Variants in ARID1B observed in about 807,000 individuals in gnomAD.
The protein encoded by ARID1B is AT-rich interactive domain-containing protein 1B.
Under a neutral mutation model 212.3 loss-of-function variants are expected in ARID1B, and 30 were observed. That is an observed-to-expected ratio of 0.14 (90% confidence interval 0.11 to 0.19). The LOEUF (loss-of-function observed/expected upper bound fraction) is 0.19, where lower values mean the gene tolerates loss of function less well. Among genes scored for constraint, ARID1B ranks in the 10% least tolerant of loss-of-function variants. ARID1B has a pLI of 1.00. For missense variants in ARID1B, 2,891 were observed against 3,204.0 expected (o/e 0.90, Z 2.36); for synonymous variants, 1,402 against 1,301.7 (o/e 1.08, Z -1.66).
intron 4 of ARID1B, among the ~76,000 whole-genome samples, chr6:157,004,498 C>G (rs1040455797): frequency 2.6e-5 from 4 of 152,082 alleles, no homozygotes; most frequent in Admixed American, 6.5e-5. Context: ...GAAAAAGGCT[C>G]GAAGAACACT....
chr6:156,897,619 C>CT (rs1369363877), intron 2 of ARID1B, among the ~76,000 whole-genome samples: 3 of 150,410 alleles, frequency 2.0e-5, no homozygotes, highest in Admixed American at 6.6e-5. Context: ...TGATCTGAGG[C>CT]ATTTTTTTTT....
intron 1 of ARID1B, among the ~76,000 whole-genome samples, chr6:156,806,173 G>T (rs148337545): frequency 6.7e-4 from 102 of 152,322 alleles, no homozygotes; most frequent in African/African-American, 2.4e-3. Flanking sequence ...TAAGTGAATT[G>T]CTGGAAGGGT....
chr6:157,180,403 G>A (rs1191515172), intron 11 of ARID1B, among the ~76,000 whole-genome samples: 2 of 150,838 alleles, frequency 1.3e-5, no homozygotes, highest in Non-Finnish European at 2.9e-5. Context: ...AAAAACACAC[G>A]AGCTTATAGC....
At chr6:156,938,000 AG>A (rs1192126440) in intron 4 of ARID1B, 7 of 152,150 alleles carry the variant, frequency 4.6e-5, no homozygotes, top group Non-Finnish European at 5.9e-5. Context: ...TTTTATGTTA[AG>A]TATGTAGAAG....
intron 5 of ARID1B, 40 bp downstream of exon 5, chr6:157,084,945 A>T (rs759820289): frequency 6.4e-7 from 1 of 1,563,036 alleles, no homozygotes; most frequent in South Asian, 1.2e-5. Flanking sequence ...ACTTTGTGAT[A>T]AAGAGAGATT....
chr6:156,812,939 T>G (rs1028775067), intron 1 of ARID1B, among the ~76,000 whole-genome samples: 3 of 80,234 alleles, frequency 3.7e-5, no homozygotes, highest in African/African-American at 1.2e-4. Context: ...CCTGGGTGTG[T>G]GTGTGTGTGT....
chr6:157,066,543 T>C (rs1438306609), intron 4 of ARID1B, among the ~76,000 whole-genome samples: 3 of 152,164 alleles, frequency 2.0e-5, no homozygotes, highest in Non-Finnish European at 4.4e-5. Context: ...CAAAACACTG[T>C]CTTGCTTGTA....
At chr6:156,981,171 C>G (rs928700964) in intron 4 of ARID1B, among the ~76,000 whole-genome samples, 4 of 152,186 alleles carry the variant, frequency 2.6e-5, no homozygotes, top group Admixed American at 1.3e-4. Flanking sequence ...GACTTAGTCT[C>G]TTCCTCTAAG....
chr6:156,870,300 G>C (rs551250470), intron 2 of ARID1B: 1 of 152,302 alleles, frequency 6.6e-6, no homozygotes, highest in South Asian at 2.1e-4. Flanking sequence ...GTCAGATTGC[G>C]TTCATACTGT....
intron 5 of ARID1B, among the ~76,000 whole-genome samples, chr6:157,101,990 CA>C (rs1786076794): frequency 6.6e-6 from 1 of 152,090 alleles, no homozygotes; most frequent in African/African-American, 2.4e-5. Flanking sequence ...ACTTTTGAAA[CA>C]TGGAATTTCT....
chr6:157,207,779 C>A lies in ARID1B; in HGVS notation c.7007C>A (p.Ser2336Ter), dbSNP rs1379093164. ...LAMARVDENR[S>*]EFLLHEGRLL... is the part of the protein sequence containing the mutation. Reference sequence around the variant, plus strand: ...ATGGCCAGAGTGGACGAAAACCGCTCGGAATTCCTTTTGCACGAGGGCCGG... The same window carrying A: ...ATGGCCAGAGTGGACGAAAACCGCTAGGAATTCCTTTTGCACGAGGGCCGG... The change falls in exon 20 of 20, where the codon TCG becomes TAG. Residue 2336 changes from serine to a stop codon, truncating the protein, a stop_gained. Transcript: ENST00000636930. LOFTEE classifies it high-confidence loss of function. The surrounding 1 kb of genome is among the most constrained non-coding windows in gnomAD (Gnocchi z 8.5). The A allele has an allele frequency of 6.4e-7, 1 of 1,568,498 alleles. No homozygotes were observed. The highest frequency in any genetic ancestry group is 8.7e-7 in the Non-Finnish European group (1 of 1,153,842).
chr6:156,943,586 T>C (rs909765588), intron 4 of ARID1B: 6 of 152,212 alleles, frequency 3.9e-5, no homozygotes, highest in African/African-American at 1.2e-4. Flanking sequence ...TGGTTCGTGA[T>C]TGAGATACCA....
chr6:156,959,478 A>G (rs1373481530), intron 4 of ARID1B, among the ~76,000 whole-genome samples: 1 of 152,138 alleles, frequency 6.6e-6, no homozygotes, highest in Non-Finnish European at 1.5e-5. Flanking sequence ...CACAGAACCC[A>G]TGGGTAGGGA....
At chr6:156,987,383 T>G (rs1310371807) in intron 4 of ARID1B, among the ~76,000 whole-genome samples, 1 of 150,492 alleles carries the variant, frequency 6.6e-6, no homozygotes, top group Non-Finnish European at 1.5e-5. Context: ...CAGGCTGGAG[T>G]GCAGTGGCAC....
At chr6:156,808,372 T>A (rs180802313) in intron 1 of ARID1B, among the ~76,000 whole-genome samples, 1 of 152,242 alleles carries the variant, frequency 6.6e-6, no homozygotes, top group African/African-American at 2.4e-5. Flanking sequence ...TCTAGTCAAA[T>A]GTAGGCTATG....
intron 1 of ARID1B, chr6:156,779,797 T>C (rs1443776877): frequency 1.3e-5 from 2 of 153,676 alleles, no homozygotes; most frequent in East Asian, 3.9e-4. Flanking sequence ...GCGGTCGCCG[T>C]TTGGGGCGGC....
At chr6:157,036,431 A>G (rs774581189) in intron 4 of ARID1B, 31 of 186,710 alleles carry the variant, frequency 1.7e-4, no homozygotes, top group Admixed American at 2.8e-4. Context: ...GGTAGCACAC[A>G]TGCATAGTGA....
intron 4 of ARID1B, among the ~76,000 whole-genome samples, chr6:157,063,173 A>G (rs1783459813): frequency 1.3e-5 from 2 of 151,706 alleles, no homozygotes; most frequent in South Asian, 4.2e-4. Flanking sequence ...ATCAAGTTCC[A>G]AGGGAGAGAG....
intron 2 of ARID1B, among the ~76,000 whole-genome samples, chr6:156,849,522 G>C (rs935746023): frequency 3.9e-5 from 6 of 152,192 alleles, no homozygotes; most frequent in Non-Finnish European, 8.8e-5. Context: ...TTAATTCATA[G>C]AGAGAAGCAT....
Sources: gnomAD v4.1 joint callset for allele counts (sites outside exome capture counted in the v4.1 genomes callset) on GRCh38, gnomAD v4.1.1 for gene constraint, Gnocchi (gnomAD v3.1) non-coding constraint, MANE v1.5 for transcripts, NCBI Gene and HGNC (gene_info 2026-07-23, HGNC 2026-07-21) for gene names.